The following TULP2 variants were observed in gnomAD, a reference collection of about 807,000 sequenced individuals.
The protein encoded by TULP2 is tubby-related protein 2.
In TULP2, 64 loss-of-function variants were observed where a neutral mutation model predicts 60.3. The ratio of observed to expected loss-of-function variants is 1.06; its 90% CI spans 0.87 to 1.31. The LOEUF (loss-of-function observed/expected upper bound fraction) is 1.31, where lower values mean the gene tolerates loss of function less well. TULP2 is among the 50% of genes most tolerant of loss of function. The pLI, the probability that TULP2 is intolerant of heterozygous loss-of-function variation, is 0.00. For missense variants in TULP2, 652 were observed against 667.0 expected, an observed-to-expected ratio of 0.98 and a Z score of 0.25; for synonymous variants, 267 against 265.4, an observed-to-expected ratio of 1.01 and a Z score of -0.06.
chr19:48,895,404 C>T lies in TULP2; in HGVS notation c.311G>A (p.Arg104Lys). The T allele has an allele frequency of 1.2e-6, 2 of 1,614,058 alleles. No homozygotes were observed. Among genetic ancestry groups the T allele is most frequent in the East Asian group, 4.5e-5 (2 of 44,874 alleles). Residue 104 changes from arginine to lysine, a missense_variant, in exon 5 of 13, where the codon AGG (arginine) becomes AAG (lysine). Arg to Lys is a conservative substitution (Grantham distance 26). Transcript: ENST00000221399. ...CGGTGTCGGGAGGCCGCGCTCGCCC[C>T]TGCCGTCTCCACCACAGCTCACGGT... ...LGTVSCGGDGRGERGLPTPRT... is the reference protein window; with the variant it reads ...LGTVSCGGDGKGERGLPTPRT...
In TULP2 at chr19:48,888,188, T is replaced by A; in HGVS notation, c.710A>T (p.Glu237Val). The A allele has an allele frequency of 6.2e-7, 1 of 1,614,162 alleles. No homozygotes were observed. Among genetic ancestry groups the A allele is most frequent in the Non-Finnish European group, 8.5e-7 (1 of 1,180,014 alleles). The change falls in exon 8 of 13, where the codon GAG (glutamate) becomes GTG (valine). Residue 237 changes from glutamate to valine, a missense_variant. Transcript: ENST00000221399. ...CTCGCCTTTCAGGGCCTTGGACAACTCTTCGTTGTGTGCTGCTGAGGAGTT... is the reference window on the plus strand; with the variant it reads ...CTCGCCTTTCAGGGCCTTGGACAACACTTCGTTGTGTGCTGCTGAGGAGTT... ...GTNSSAAHNE[E>V]LSKALKGEGG...
intron 12 of TULP2, 81 bp downstream of exon 12, chr19:48,881,951 G>A (rs772719846): frequency 6.3e-7 from 1 of 1,583,862 alleles, no homozygotes; most frequent in Admixed American, 1.7e-5. Flanking sequence ...CTCAAGTGAT[G>A]ATGGGAGATG....
At chr19:48,895,245 A>G in intron 5 of TULP2, 83 bp from the exon 6 acceptor site, 1 of 1,574,398 alleles carries the variant, frequency 6.4e-7, no homozygotes, top group Non-Finnish European at 8.6e-7. Context: ...TGGTGTGAGG[A>G]AGGAGTGGGT....
chr19:48,888,003 T>G lies in TULP2; in HGVS notation c.895A>C (p.Lys299Gln), dbSNP rs2037197808. The G allele has an allele frequency of 7.4e-6, 12 of 1,614,150 alleles. No individual in the cohort carries two copies. The highest frequency in any genetic ancestry group is 1.0e-5 in the Non-Finnish European group (12 of 1,180,006). ...YLTRDKHGVD[K>Q]GLFPLYYLYL... ...AGGTAGTAGAGGGGGAACAAGCCCT[T>G]GTCCACGCCGTGCTTGTCACGGGTG... The change falls in exon 8 of 13, where the codon AAG becomes CAG. Residue 299 changes from lysine to glutamine, a missense_variant. Physicochemically the swap from Lys to Gln is moderately conservative, Grantham distance 53. Transcript: ENST00000221399.
chr19:48,883,541 T>C (rs10416922), intron 11 of TULP2, among the ~76,000 whole-genome samples: 75,617 of 151,982 alleles, frequency 0.5, 21,708 homozygotes, highest in African/African-American at 0.8. Context: ...TAACCTACCA[T>C]CAAACCTTTT....
chr19:48,881,585 G>C (rs552865001), intron 12 of TULP2, among the ~76,000 whole-genome samples: 4 of 151,934 alleles, frequency 2.6e-5, no homozygotes, highest in African/African-American at 9.6e-5. Context: ...GGGTTTCACC[G>C]TGTTAGTCAG....
At chr19:48,881,763 C>G (rs2037134566) in intron 12 of TULP2, among the ~76,000 whole-genome samples, 4 of 152,064 alleles carry the variant, frequency 2.6e-5, no homozygotes, top group Admixed American at 2.6e-4. Context: ...GATGATCCAC[C>G]CACCTCGGTC....
chr19:48,887,276 G>C (rs1301360450), intron 8 of TULP2, among the ~76,000 whole-genome samples: 1 of 132,884 alleles, frequency 7.5e-6, no homozygotes, highest in Non-Finnish European at 1.6e-5. Flanking sequence ...CTCCCAAAGT[G>C]CTAGGATTAC....
At position 48,894,929 on chromosome 19, in the gene TULP2, T is replaced by G. The variant is rs2037264460; in HGVS notation, c.514+69A>C. The stretch of plus-strand genomic sequence containing the variant: ...ATTATACTTCAGTGAAGCTGCTGCC[T>G]AAGAAAGGGGAAGATTTGCTGCATG... On this transcript the variant is annotated intron_variant, in intron 6 of 12. Transcript: ENST00000221399. 12 of 1,536,308 alleles carry G rather than the reference T, an allele frequency of 7.8e-6. No homozygotes were observed. The East Asian group carries it at 2.7e-4, about 35-fold the overall frequency.
Position 48,897,214 on chromosome 19 carries a change from CA to C in TULP2, c.84+130del. 9.8e-7 allele frequency: 1 copy of C among 1,017,490 alleles called. No individual in the cohort carries two copies. The highest frequency in any genetic ancestry group is 2.1e-5 in the Admixed American group (1 of 48,014). 63.0% of individuals were successfully genotyped at this position (1,017,490 alleles called of 1,614,324 possible). ...CCCAAATTCCTATTTTCTCATTTCT[CA>C]GTGGGAAAACTCAAGGATGAGAGAC... On this transcript the variant is annotated intron_variant, in intron 3 of 12. Coordinates refer to ENST00000221399, the MANE Select transcript of TULP2 (RefSeq NM_003323.3). This position sits in a 1 kb window ranked among gnomAD's most constrained non-coding sequence, Gnocchi z 4.0.
chr19:48,886,069 G>C (rs2037176430), intron 8 of TULP2, among the ~76,000 whole-genome samples: 1 of 151,930 alleles, frequency 6.6e-6, no homozygotes, highest in South Asian at 2.1e-4. Context: ...CACTTTGGGA[G>C]GCCCAGGCGG....
At position 48,895,123 on chromosome 19, in the gene TULP2, C is replaced by A. The variant is rs566276836; in HGVS notation, c.389G>T (p.Trp130Leu). The change falls in exon 6 of 13, where the codon TGG (tryptophan) becomes TTG (leucine). Residue 130 changes from tryptophan (W) to leucine (L), a missense_variant. Transcript: ENST00000221399. ...NLGLQSPFLS[W>L]LPDNSDAELE... ...TTCTGCATCGGAATTGTCTGGGAGC[C>A]AGGATAAGAAAGGGGACTGGAGACC... The A allele has an allele frequency of 6.2e-7, 1 of 1,613,862 alleles. No homozygotes were observed. The highest frequency in any genetic ancestry group is 1.3e-5 in the African/African-American group (1 of 74,850).
At position 48,897,948 on chromosome 19, in the gene TULP2, C is replaced by CTAAT; in HGVS notation, c.-1-80_-1-79insATTA. 1 of 637,692 alleles carries CTAAT rather than the reference C, an allele frequency of 1.6e-6. No homozygotes were observed. Among genetic ancestry groups the CTAAT allele is most frequent in the Non-Finnish European group, 2.4e-6 (1 of 416,608 alleles). The allele number at this position is 637,692 out of a possible 1,614,324, so 39.5% of individuals were successfully genotyped here. A position where few individuals can be genotyped will look rare whatever the true frequency, so the allele number is the denominator to read the frequency against. ...TGCCCACCAGCACCTAATCTTTAGC[C>CTAAT]TTATTTATTTATTTATTTATTTATT... is the stretch of plus-strand genomic sequence containing the variant. On this transcript the variant is annotated intron_variant, in intron 1 of 12. Transcript: ENST00000221399. The surrounding 1 kb of genome is among the most constrained non-coding windows in gnomAD (Gnocchi z 4.0).
Position 48,889,603 on chromosome 19 carries a change from G to A in TULP2, c.543C>T (p.Ser181=). The A allele has an allele frequency of 6.3e-7, 1 of 1,584,920 alleles. No homozygotes were observed. Among genetic ancestry groups the A allele is most frequent in the Non-Finnish European group, 8.6e-7 (1 of 1,156,582 alleles). ...PGTRAEGESD[S]QDMGDAHKSP... Reference sequence around the variant, plus strand: ...ACTTGTGTGCATCTCCCATATCCTGGGAGTCACTCTCACCCTCTGCACGGG... The same window carrying A: ...ACTTGTGTGCATCTCCCATATCCTGAGAGTCACTCTCACCCTCTGCACGGG... Residue 181 remains serine (S), a synonymous_variant, in exon 7 of 13, where the codon TCC becomes TCT. Transcript: ENST00000221399.
In TULP2 at chr19:48,887,950, C is replaced by A. The variant is rs760539835; in HGVS notation, c.948G>T (p.Gln316His). Residue 316 changes from glutamine to histidine, a missense_variant and splice_region_variant, in exon 8 of 13, where the codon CAG becomes CAT. Transcript: ENST00000221399. ...AAGCTGTTGGGCTGGCTTACTGCACCTGCAGGCTGTCAGAGGTCTCCAGGT... is the reference window on the plus strand; with the variant it reads ...AAGCTGTTGGGCTGGCTTACTGCACATGCAGGCTGTCAGAGGTCTCCAGGT... ...YLYLETSDSL[Q>H]RFLLAGRKRR... 3 of 1,607,140 alleles carry A rather than the reference C, an allele frequency of 1.9e-6. No individual in the cohort carries two copies. The highest frequency in any genetic ancestry group is 2.2e-5 in the South Asian group (2 of 90,876).
intron 6 of TULP2, among the ~76,000 whole-genome samples, chr19:48,891,312 A>C (rs1304660484): frequency 8.6e-6 from 1 of 116,942 alleles, no homozygotes. Context: ...CAACAGGGCG[A>C]GACTCCGTCT....
chr19:48,895,031 G>A lies in TULP2; in HGVS notation c.481C>T (p.Arg161Ter). 6.2e-7 allele frequency: 1 copy of A among 1,613,700 alleles called. No homozygotes were observed. The highest frequency in any genetic ancestry group is 8.5e-7 in the Non-Finnish European group (1 of 1,179,918). Residue 161 changes from arginine to a stop codon, truncating the protein, a stop_gained, in exon 6 of 13, where the codon CGA (arginine) becomes TGA (stop). Transcript: ENST00000221399. LOFTEE classifies it high-confidence loss of function. ...TGGTGGGCTTGCCAACCCTTGCGTC[G>A]GATTCTCGGAGACTGTTTAAAAGGT... is the stretch of plus-strand genomic sequence containing the variant. The part of the protein sequence containing the change: ...PPPFKQSPRI[R>*]RKGWQAHQRP...
intron 4 of TULP2, 29 bp from the exon 5 acceptor site, chr19:48,895,532 A>G (rs767935788): frequency 6.3e-7 from 1 of 1,582,536 alleles, no homozygotes; most frequent in Non-Finnish European, 8.6e-7. Context: ...AGCCCATGAA[A>G]ACGATCTACA....
At chr19:48,886,444 G>A (rs2123272331) in intron 8 of TULP2, among the ~76,000 whole-genome samples, 1 of 152,240 alleles carries the variant, frequency 6.6e-6, no homozygotes, top group East Asian at 1.9e-4. Flanking sequence ...AGCCCAGGAA[G>A]GGTCTGGCTT....
Sources: gnomAD v4.1 joint callset for allele counts (sites outside exome capture counted in the v4.1 genomes callset) on GRCh38, gnomAD v4.1.1 for gene constraint, Gnocchi (gnomAD v3.1) non-coding constraint, MANE v1.5 for transcripts, NCBI Gene and HGNC (gene_info 2026-07-23, HGNC 2026-07-21) for gene names.